SPRED1: variants seen among roughly 807,000 people sequenced by gnomAD.
The protein encoded by SPRED1 is sprouty-related, EVH1 domain-containing protein 1.
In SPRED1, 18 loss-of-function variants were observed where a neutral mutation model predicts 52.3. That is an observed-to-expected ratio of 0.34 (90% CI 0.24 to 0.51). The LOEUF is 0.51. Among genes scored for constraint, SPRED1 ranks in the 20% least tolerant of loss-of-function variants. The probability of loss-of-function intolerance (pLI) is 0.97; values close to 1 mark genes in which losing one functional copy is unlikely to be tolerated. For synonymous variants in SPRED1, 155 were observed against 179.7 expected, an observed-to-expected ratio of 0.86 and a Z score of 1.10; for missense variants, 485 against 551.0, an observed-to-expected ratio of 0.88 and a Z score of 1.20.
chr15:38,270,213 T>C (rs1219207273), intron 1 of SPRED1, among the ~76,000 whole-genome samples: 2 of 152,210 alleles, frequency 1.3e-5, no homozygotes, highest in African/African-American at 4.8e-5. Context: ...AGCCCAAATC[T>C]GGAACATTTC....
chr15:38,313,095 C>T (rs1895401949), intron 2 of SPRED1, among the ~76,000 whole-genome samples: 1 of 151,946 alleles, frequency 6.6e-6, no homozygotes, highest in African/African-American at 2.4e-5. Context: ...CTGCTTTTTA[C>T]CCTAATTGTT....
intron 1 of SPRED1, among the ~76,000 whole-genome samples, chr15:38,287,821 C>T (rs977012160): frequency 6.6e-6 from 1 of 152,022 alleles, no homozygotes; most frequent in African/African-American, 2.4e-5. Flanking sequence ...TTTTGATACT[C>T]AAGCGAGGTC....
At chr15:38,316,645 TC>T (rs1471307044) in intron 2 of SPRED1, among the ~76,000 whole-genome samples, 1 of 151,792 alleles carries the variant, frequency 6.6e-6, no homozygotes, top group African/African-American at 2.4e-5. Flanking sequence ...CCTGGCCAGA[TC>T]TGTTTGTAAA....
Position 38,345,421 on chromosome 15 carries a change from T to C in SPRED1, c.583-4001T>C, listed in dbSNP as rs958968614. ...TTTAATTGCATTCAACTGGGGTAAG[T>C]TGATGGATCCTTTTCTACAACAGAG... is the stretch of plus-strand genomic sequence containing the variant. On this transcript the variant is annotated intron_variant, in intron 5 of 6. Coordinates refer to ENST00000299084, the MANE Select transcript of SPRED1 (RefSeq NM_152594.3). Among the ~76,000 whole-genome samples the C allele has an allele frequency of 2.0e-5, 3 of 152,166 alleles. No individual in the cohort carries two copies. In the South Asian group the frequency reaches 6.2e-4, roughly 32 times the overall value.
At chr15:38,323,539 A>G (rs1184185989) in intron 3 of SPRED1, among the ~76,000 whole-genome samples, 2 of 152,068 alleles carry the variant, frequency 1.3e-5, no homozygotes, top group East Asian at 1.9e-4. Flanking sequence ...TTATTTTTCA[A>G]AAACTCCAAG....
At chr15:38,327,759 A>G (rs1375390822) in intron 4 of SPRED1, among the ~76,000 whole-genome samples, 1 of 152,256 alleles carries the variant, frequency 6.6e-6, no homozygotes, top group African/African-American at 2.4e-5. Context: ...AATTGGTCCC[A>G]CATTTCTGAC....
At chr15:38,299,596 G>A (rs779767383) in intron 2 of SPRED1, 49 bp downstream of exon 2, 2 of 1,536,108 alleles carry the variant, frequency 1.3e-6, no homozygotes, top group Non-Finnish European at 1.8e-6. Context: ...TGAATTATCT[G>A]TTTAAAGTTA....
intron 1 of SPRED1, among the ~76,000 whole-genome samples, chr15:38,287,820 T>C (rs1894840941): frequency 6.6e-6 from 1 of 152,058 alleles, no homozygotes; most frequent in Admixed American, 6.6e-5. Flanking sequence ...ATTTTGATAC[T>C]CAAGCGAGGT....
In SPRED1 at chr15:38,253,089, C is replaced by G; in HGVS notation, c.-97C>G. ...GCCCCTGTGCCGCTGCCCCCGCGCC[C>G]CCCCGGCCGCCGCTGCCTCCTGCCC... is the stretch of plus-strand genomic sequence containing the variant. On this transcript the variant is annotated 5_prime_UTR_variant, in exon 1 of 7. Transcript: ENST00000299084. 9.2e-6 allele frequency: 10 copies of G among 1,082,800 alleles called. No individual in the cohort carries two copies. The highest frequency in any genetic ancestry group is 1.4e-5 in the Non-Finnish European group (10 of 725,740). The allele number at this position is 1,082,800 out of a possible 1,614,324, so 67.1% of individuals were successfully genotyped here.
intron 3 of SPRED1, among the ~76,000 whole-genome samples, chr15:38,324,160 C>T (rs544038641): frequency 2.0e-5 from 3 of 152,156 alleles, no homozygotes; most frequent in Non-Finnish European, 4.4e-5. Flanking sequence ...CTGTGCCTCT[C>T]AAGGGTAGCA....
chr15:38,299,880 G>A (rs1486764009), intron 2 of SPRED1, among the ~76,000 whole-genome samples: 2 of 151,974 alleles, frequency 1.3e-5, no homozygotes. Context: ...TAATCCACAG[G>A]CCAAATGCAA....
chr15:38,344,860 A>G (rs1236530628), intron 5 of SPRED1, among the ~76,000 whole-genome samples: 1 of 152,230 alleles, frequency 6.6e-6, no homozygotes, highest in Non-Finnish European at 1.5e-5. Flanking sequence ...GGGTTATATT[A>G]TATGAATTGC....
chr15:38,284,743 G>A (rs1281677726), intron 1 of SPRED1, among the ~76,000 whole-genome samples: 1 of 151,876 alleles, frequency 6.6e-6, no homozygotes, highest in Non-Finnish European at 1.5e-5. Flanking sequence ...GTTTTCTACA[G>A]ATTTGATGTT....
intron 1 of SPRED1, among the ~76,000 whole-genome samples, chr15:38,288,581 A>C (rs934063404): frequency 1.1e-4 from 17 of 152,178 alleles, no homozygotes; most frequent in African/African-American, 3.9e-4. Flanking sequence ...TCTCAGGGGA[A>C]TACCCAACTA....
At chr15:38,315,276 G>A (rs1895453076) in intron 2 of SPRED1, among the ~76,000 whole-genome samples, 1 of 151,910 alleles carries the variant, frequency 6.6e-6, no homozygotes, top group Non-Finnish European at 1.5e-5. Flanking sequence ...TGGTTACCAA[G>A]CATACTACTT....
chr15:38,286,130 G>A (rs1005010028), intron 1 of SPRED1, among the ~76,000 whole-genome samples: 7 of 148,004 alleles, frequency 4.7e-5, no homozygotes, highest in African/African-American at 7.5e-5. Context: ...CTATGGTCAC[G>A]CCTACTGAGC....
At chr15:38,331,182 T>G (rs563311462) in intron 4 of SPRED1, among the ~76,000 whole-genome samples, 1 of 152,250 alleles carries the variant, frequency 6.6e-6, no homozygotes, top group Non-Finnish European at 1.5e-5. Context: ...CATTAACTAT[T>G]GGCATGGGTT....
intron 4 of SPRED1, among the ~76,000 whole-genome samples, chr15:38,327,471 T>C (rs1156735695): frequency 1.3e-5 from 2 of 152,258 alleles, no homozygotes; most frequent in Admixed American, 6.5e-5. Flanking sequence ...AGAAAATTTC[T>C]GGATTCCATC....
At chr15:38,326,783 A>T (rs1223064339) in intron 4 of SPRED1, among the ~76,000 whole-genome samples, 1 of 152,174 alleles carries the variant, frequency 6.6e-6, no homozygotes, top group Admixed American at 6.6e-5. Context: ...AAGCAAGTTG[A>T]AAACACTATG....
Sources: allele counts gnomAD v4.1 joint callset (sites outside exome capture counted in the v4.1 genomes callset), GRCh38; gene constraint gnomAD v4.1.1; transcripts MANE v1.5; gene names NCBI Gene and HGNC (gene_info 2026-07-23, HGNC 2026-07-21).